The following OSBPL10 variants were observed in gnomAD, a reference collection of about 807,000 sequenced individuals.
The protein encoded by OSBPL10 is oxysterol-binding protein-related protein 10.
OSBPL10 carries 49 observed loss-of-function variants against 81.7 expected under a neutral mutation model. The observed-to-expected ratio is 0.60, with a 90% CI of 0.48 to 0.76. The LOEUF is 0.76. OSBPL10 is among the 30% of genes least tolerant of loss of function. The pLI is 0.00. For synonymous variants in OSBPL10, 419 were observed against 383.6 expected, an observed-to-expected ratio of 1.09 and a Z score of -1.08; for missense variants, 923 against 987.8, an observed-to-expected ratio of 0.93 and a Z score of 0.88.
At chr3:31,784,533 CAG>C (rs1293269763) in intron 4 of OSBPL10, among the ~76,000 whole-genome samples, 1 of 152,140 alleles carries the variant, frequency 6.6e-6, no homozygotes, top group African/African-American at 2.4e-5. Flanking sequence ...TATGACACAA[CAG>C]TGTTATTTAC....
intron 7 of OSBPL10, among the ~76,000 whole-genome samples, chr3:31,692,790 A>G (rs1217133559): frequency 6.6e-6 from 1 of 152,210 alleles, no homozygotes; most frequent in Non-Finnish European, 1.5e-5. Context: ...TGCAATTTAC[A>G]ATGGCTACGT....
intron 5 of OSBPL10, among the ~76,000 whole-genome samples, chr3:31,745,323 A>T (rs1697487168): frequency 6.6e-6 from 1 of 152,208 alleles, no homozygotes; most frequent in Admixed American, 6.5e-5. Flanking sequence ...TGTAATAGTG[A>T]AGGGACATCA....
At chr3:31,864,081 A>G (rs1701118717) in intron 3 of OSBPL10, among the ~76,000 whole-genome samples, 1 of 152,160 alleles carries the variant, frequency 6.6e-6, no homozygotes, top group Non-Finnish European at 1.5e-5. Context: ...TGATTTCCCC[A>G]CAGTCCCAGG....
chr3:32,044,982 T>G (rs993963383), intron 2 of OSBPL10, among the ~76,000 whole-genome samples: 5 of 152,212 alleles, frequency 3.3e-5, no homozygotes, highest in Non-Finnish European at 5.9e-5. Context: ...CTTTGAAAGA[T>G]TCCAGAAAAA....
At chr3:31,897,592 T>G (rs1202012998) in intron 1 of OSBPL10, among the ~76,000 whole-genome samples, 1 of 152,146 alleles carries the variant, frequency 6.6e-6, no homozygotes, top group East Asian at 1.9e-4. Context: ...AGATTCATTA[T>G]AGTAAAATTT....
intron 2 of OSBPL10, among the ~76,000 whole-genome samples, chr3:32,004,415 T>C (rs747630555): frequency 2.0e-5 from 3 of 152,246 alleles, no homozygotes; most frequent in Non-Finnish European, 4.4e-5. Context: ...TGTTGTCACC[T>C]GACTCCCTTG....
intron 5 of OSBPL10, among the ~76,000 whole-genome samples, chr3:31,736,456 C>T (rs17451017): frequency 0.42 from 63,852 of 151,886 alleles, 13,946 homozygotes; most frequent in East Asian, 0.71. Flanking sequence ...ACAAGGTAGA[C>T]GGAGCTGAAC....
At chr3:31,792,820 G>A (rs549667162) in intron 4 of OSBPL10, among the ~76,000 whole-genome samples, 3 of 148,688 alleles carry the variant, frequency 2.0e-5, no homozygotes, top group African/African-American at 7.4e-5. Context: ...GTGAGTTGGT[G>A]TGTGGGGGTG....
At chr3:31,891,925 T>C (rs1232274044) in intron 1 of OSBPL10, among the ~76,000 whole-genome samples, 1 of 152,186 alleles carries the variant, frequency 6.6e-6, no homozygotes, top group Non-Finnish European at 1.5e-5. Context: ...AAATTTTTAC[T>C]ATCTGCTATG....
rs1426412124 is a variant in OSBPL10 at position 31,788,869 on chromosome 3, A to T, written c.730-40749T>A. ...AGGAAATTTGGAAAATACAGAAGGC[A>T]TGAGGAAGAAAAAATAAAACTCACC... On this transcript the variant is annotated intron_variant, in intron 4 of 11. Coordinates refer to ENST00000396556, the MANE Select transcript of OSBPL10 (RefSeq NM_017784.5). 3.3e-5 allele frequency among the ~76,000 whole-genome samples: 5 copies of T among 152,236 alleles called. No individual in the cohort carries two copies. In the East Asian group the frequency reaches 9.6e-4, roughly 29 times the overall value.
intron 4 of OSBPL10, among the ~76,000 whole-genome samples, chr3:31,799,023 G>A (rs1235857263): frequency 3.3e-5 from 5 of 152,150 alleles, no homozygotes; most frequent in African/African-American, 1.2e-4. Flanking sequence ...CTCACCTCCT[G>A]CTATGCCGCC....
chr3:31,737,963 G>A (rs1697235726), intron 5 of OSBPL10, among the ~76,000 whole-genome samples: 1 of 150,156 alleles, frequency 6.7e-6, no homozygotes, highest in African/African-American at 2.5e-5. Flanking sequence ...CTGCACTCCA[G>A]CCCTCCAGCC....
intron 6 of OSBPL10, among the ~76,000 whole-genome samples, chr3:31,712,790 C>T (rs1480699392): frequency 6.6e-6 from 1 of 152,268 alleles, no homozygotes; most frequent in Non-Finnish European, 1.5e-5. Flanking sequence ...ATGGCCATCT[C>T]AGACTTACTG....
At chr3:31,665,445 C>T (rs547060083) in intron 10 of OSBPL10, among the ~76,000 whole-genome samples, 151 of 152,244 alleles carry the variant, frequency 9.9e-4, no homozygotes, top group Non-Finnish European at 1.4e-3. Context: ...TAACCCTTTC[C>T]CCAGCAAGGG....
At chr3:31,687,491 A>G (rs1397742016) in intron 7 of OSBPL10, among the ~76,000 whole-genome samples, 1 of 152,158 alleles carries the variant, frequency 6.6e-6, no homozygotes, top group Non-Finnish European at 1.5e-5. Context: ...AAGTAAATAA[A>G]TAAGAAAAAG....
intron 1 of OSBPL10, among the ~76,000 whole-genome samples, chr3:31,965,677 T>C (rs1698348132): frequency 4.0e-5 from 2 of 50,230 alleles, no homozygotes; most frequent in African/African-American, 2.2e-4. Context: ...TTTTATATAA[T>C]ATATATTATA....
At chr3:31,918,692 T>C (rs374920760) in intron 1 of OSBPL10, among the ~76,000 whole-genome samples, 2 of 152,244 alleles carry the variant, frequency 1.3e-5, no homozygotes, top group African/African-American at 2.4e-5. Flanking sequence ...GGTGAGACCA[T>C]GGCAACAGGG....
intron 1 of OSBPL10, among the ~76,000 whole-genome samples, chr3:31,969,077 G>C (rs1235034021): frequency 6.6e-6 from 1 of 152,150 alleles, no homozygotes; most frequent in African/African-American, 2.4e-5. Context: ...GTTAGCCAAG[G>C]GGATCAAGAA....
At chr3:31,961,646 G>A (rs1047832899) in intron 1 of OSBPL10, among the ~76,000 whole-genome samples, 1 of 152,100 alleles carries the variant, frequency 6.6e-6, no homozygotes. Context: ...TATTTCCTAG[G>A]CTGGAGTGCA....
Sources: allele counts gnomAD v4.1 joint callset (sites outside exome capture counted in the v4.1 genomes callset), GRCh38; gene constraint gnomAD v4.1.1; transcripts MANE v1.5; gene names NCBI Gene and HGNC (gene_info 2026-07-23, HGNC 2026-07-21).